GCHFR: variants seen among roughly 807,000 people sequenced by gnomAD.
GCHFR encodes GTP cyclohydrolase 1 feedback regulatory protein.
A neutral mutation model predicts 10.6 loss-of-function variants in GCHFR; 12 were observed. The ratio of observed to expected loss-of-function variants is 1.13; its 90% CI spans 0.72 to 1.83. GCHFR has a LOEUF of 1.83. GCHFR is among the 40% of genes most tolerant of loss of function. The pLI is 0.00. For missense variants in GCHFR, 116 were observed against 110.6 expected (o/e 1.05, Z -0.22); for synonymous variants, 54 against 43.7 (o/e 1.24, Z -0.93).
intron 2 of GCHFR, chr15:40,766,551 G>A (rs745953011): frequency 6.6e-6 from 1 of 152,294 alleles, no homozygotes; most frequent in Non-Finnish European, 1.5e-5. Context: ...GTCAAGGCTC[G>A]GGGACAGAAG....
chr15:40,766,873 G>C (rs1888961334), intron 2 of GCHFR: 1 of 170,124 alleles, frequency 5.9e-6, no homozygotes, highest in African/African-American at 2.4e-5. Context: ...CCTCCTACCT[G>C]GAAGCCTGGG....
At chr15:40,765,956 C>G in intron 2 of GCHFR, 35 bp downstream of exon 2, 1 of 1,172,604 alleles carries the variant, frequency 8.5e-7, no homozygotes. Context: ...CCTCTCCCTG[C>G]CAGCCCCTAG....
chr15:40,767,436 C>G lies in GCHFR; in HGVS notation c.*87C>G. On this transcript the variant is annotated 3_prime_UTR_variant, in exon 3 of 3. Transcript: ENST00000260447. ...TCCAAGCTCCTGCCTCACCGTCTGCCTTGCTCCTCTCTTCCCAAATCATCA... is the reference window on the plus strand; with the variant it reads ...TCCAAGCTCCTGCCTCACCGTCTGCGTTGCTCCTCTCTTCCCAAATCATCA... 1 of 1,408,206 alleles carries G rather than the reference C, an allele frequency of 7.1e-7. No homozygotes were observed. Among genetic ancestry groups the G allele is most frequent in the Non-Finnish European group, 9.5e-7 (1 of 1,050,250 alleles). 87.2% of individuals were successfully genotyped at this position (1,408,206 alleles called of 1,614,324 possible).
chr15:40,767,423 C>T lies in GCHFR; in HGVS notation c.*74C>T. On this transcript the variant is annotated 3_prime_UTR_variant, in exon 3 of 3. Transcript: ENST00000260447. ...GTGGGCCCTGACCTCCAAGCTCCTG[C>T]CTCACCGTCTGCCTTGCTCCTCTCT... 1 of 1,466,850 alleles carries T rather than the reference C, an allele frequency of 6.8e-7. No individual in the cohort carries two copies. Among genetic ancestry groups the T allele is most frequent in the South Asian group, 1.3e-5 (1 of 75,852 alleles). The allele number at this position is 1,466,850 out of a possible 1,614,324, so 90.9% of individuals were successfully genotyped here.
intron 2 of GCHFR, 187 bp from the exon 3 acceptor site, chr15:40,767,039 T>G: frequency 8.3e-5 from 39 of 469,252 alleles, no homozygotes; most frequent in East Asian, 2.0e-4. Flanking sequence ...GAAGAATAAA[T>G]GAGATAGCTC....
At chr15:40,764,316 T>C (rs930302661) in intron 1 of GCHFR, 100 bp downstream of exon 1, 2 of 1,111,074 alleles carry the variant, frequency 1.8e-6, no homozygotes, top group Non-Finnish European at 2.4e-6. Context: ...CACCGGGGAC[T>C]GGACCGGGAA....
Position 40,764,201 on chromosome 15 carries a change from C to T in GCHFR, c.21C>T (p.Ser7=). MPYLLI[S]TQIRMEVGPT... Reference sequence around the variant, plus strand: ...GCACCATGCCCTACCTGCTCATCAGCACCCAGATCCGCATGGTGAGTACCG... The same window carrying T: ...GCACCATGCCCTACCTGCTCATCAGTACCCAGATCCGCATGGTGAGTACCG... Residue 7 remains serine, a synonymous_variant, in exon 1 of 3, where the codon AGC becomes AGT. Coordinates refer to ENST00000260447, the MANE Select transcript of GCHFR (RefSeq NM_005258.3). The T allele has an allele frequency of 6.4e-7, 1 of 1,559,536 alleles. No homozygotes were observed. Among genetic ancestry groups the T allele is most frequent in the Non-Finnish European group, 8.7e-7 (1 of 1,152,742 alleles).
intron 1 of GCHFR, chr15:40,764,546 CCT>C (rs1316328072): frequency 1.3e-5 from 5 of 379,960 alleles, no homozygotes; most frequent in Non-Finnish European, 2.4e-5. Context: ...ACGCGCAGCA[CCT>C]AGTGCCCTGC....
At chr15:40,765,729 A>G in intron 1 of GCHFR, 98 bp from the exon 2 acceptor site, 1 of 543,240 alleles carries the variant, frequency 1.8e-6, no homozygotes, top group Non-Finnish European at 3.4e-6. Flanking sequence ...CTTTACCTGA[A>G]CCTTACTCAG....
chr15:40,767,204 C>T (rs766571674), intron 2 of GCHFR, 22 bp from the exon 3 acceptor site: 3 of 1,483,932 alleles, frequency 2.0e-6, no homozygotes, highest in South Asian at 2.8e-5. Context: ...CTCCTCACCC[C>T]CCCCATCCTG....
Position 40,767,241 on chromosome 15 carries a change from C to A in GCHFR, c.147C>A (p.Val49=), listed in dbSNP as rs367958027. 3.8e-6 allele frequency: 6 copies of A among 1,574,612 alleles called. No individual in the cohort carries two copies. The highest frequency in any genetic ancestry group is 5.2e-6 in the Non-Finnish European group (6 of 1,160,224). Residue 49 remains valine, a synonymous_variant, in exon 3 of 3, where the codon GTC becomes GTA. Transcript: ENST00000260447. ...CTCTTTGCAGTTATGAATACTACGTCGATGACCCTCCCCGCATAGTCCTGG... is the reference window on the plus strand; with the variant it reads ...CTCTTTGCAGTTATGAATACTACGTAGATGACCCTCCCCGCATAGTCCTGG... ...ALGNNFYEYY[V]DDPPRIVLDK...
intron 1 of GCHFR, chr15:40,764,450 G>C (rs999526199): frequency 2.1e-6 from 1 of 474,130 alleles, no homozygotes; most frequent in Non-Finnish European, 3.7e-6. Context: ...GCCCGGGTAC[G>C]TGCGTCCCGG....
At chr15:40,767,024 G>T (rs1049426250) in intron 2 of GCHFR, 21 of 435,374 alleles carry the variant, frequency 4.8e-5, no homozygotes, top group Middle Eastern at 4.1e-4. Context: ...TCACTAGCTT[G>T]TTGGGAAGAA....
chr15:40,764,309 C>A, intron 1 of GCHFR, 93 bp downstream of exon 1: 2 of 1,189,330 alleles, frequency 1.7e-6, no homozygotes, highest in Admixed American at 3.0e-5. Flanking sequence ...CTGCACCCAC[C>A]GGGGACTGGA....
Position 40,765,879 on chromosome 15 carries a change from A to G in GCHFR, c.89A>G (p.Gln30Arg). Reference sequence around the variant, plus strand: ...GAACAGTCGGATCCAGAGCTGATGCAGCATCTGGGGGCTTCAAAGAGAAGA... The same window carrying G: ...GAACAGTCGGATCCAGAGCTGATGCGGCATCTGGGGGCTTCAAAGAGAAGA... Reference protein sequence around the residue: ...GDEQSDPELMQHLGASKRRAL... With the variant: ...GDEQSDPELMRHLGASKRRAL... Residue 30 changes from glutamine (Q) to arginine (R), a missense_variant, in exon 2 of 3, where the codon CAG (glutamine) becomes CGG (arginine). Gln to Arg is a conservative substitution (Grantham distance 43, BLOSUM62 1). Transcript: ENST00000260447. 6 of 1,584,920 alleles carry G rather than the reference A, an allele frequency of 3.8e-6. No homozygotes were observed. Among genetic ancestry groups the G allele is most frequent in the Non-Finnish European group, 5.2e-6 (6 of 1,160,738 alleles).
chr15:40,765,750 C>A, intron 1 of GCHFR, 77 bp from the exon 2 acceptor site: 2 of 624,770 alleles, frequency 3.2e-6, no homozygotes, highest in Non-Finnish European at 5.6e-6. Flanking sequence ...GGCTAGCAGG[C>A]AGGGGAGGAA....
In GCHFR at chr15:40,764,189, C is replaced by G; in HGVS notation, c.9C>G (p.Tyr3Ter). The G allele has an allele frequency of 6.4e-7, 1 of 1,558,474 alleles. No homozygotes were observed. Among genetic ancestry groups the G allele is most frequent in the Non-Finnish European group, 8.7e-7 (1 of 1,152,356 alleles). ...GCCGGGACGCGTGCACCATGCCCTA[C>G]CTGCTCATCAGCACCCAGATCCGCA... The part of the protein sequence containing the change: MP[Y>*]LLISTQIRME... The change falls in exon 1 of 3, where the codon TAC (tyrosine) becomes TAG (stop). Residue 3 changes from tyrosine (Y) to a stop codon, truncating the protein, a stop_gained. Transcript: ENST00000260447. LOFTEE classifies it high-confidence loss of function.
At position 40,764,152 on chromosome 15, in the gene GCHFR, G is replaced by A. The variant is rs778971295; in HGVS notation, c.-29G>A. ...AGTCGGCGTCCAGCCTAGAGCCCCCGGTGGGAGCCAGGCCGGGACGCGTGC... is the reference window on the plus strand; with the variant it reads ...AGTCGGCGTCCAGCCTAGAGCCCCCAGTGGGAGCCAGGCCGGGACGCGTGC... On this transcript the variant is annotated 5_prime_UTR_variant, in exon 1 of 3. Coordinates refer to ENST00000260447, the MANE Select transcript of GCHFR (RefSeq NM_005258.3). The A allele has an allele frequency of 5.4e-5, 84 of 1,542,586 alleles. 1 individual carries two copies. In the South Asian group the frequency reaches 8.6e-4, roughly 16 times the overall value.
intron 2 of GCHFR, 176 bp from the exon 3 acceptor site, chr15:40,767,050 G>A (rs1233230452): frequency 1.4e-5 from 7 of 506,606 alleles, no homozygotes; most frequent in Non-Finnish European, 2.4e-5. Context: ...GAGATAGCTC[G>A]TGAAGTACCT....
Sources: gnomAD v4.1 joint callset for allele counts on GRCh38, gnomAD v4.1.1 for gene constraint, MANE v1.5 for transcripts, NCBI Gene and HGNC (gene_info 2026-07-23, HGNC 2026-07-21) for gene names.